The following MACROD2 variants were observed in gnomAD, a reference collection of about 807,000 sequenced individuals.
MACROD2 encodes ADP-ribose glycohydrolase MACROD2.
A neutral mutation model predicts 70.4 loss-of-function variants in MACROD2; 36 were observed. That is an observed-to-expected ratio of 0.51 (90% CI 0.39 to 0.68). The LOEUF is 0.68. Ranked by LOEUF, MACROD2 falls within the 30% of genes least tolerant of loss-of-function variation. The probability of loss-of-function intolerance (pLI) is 0.00; values close to 1 mark genes in which losing one functional copy is unlikely to be tolerated. For missense variants in MACROD2, 496 were observed against 538.4 expected (o/e 0.92, Z 0.78); for synonymous variants, 172 against 178.8 (o/e 0.96, Z 0.30).
At chr20:15,126,506 A>G (rs933635657) in intron 5 of MACROD2, among the ~76,000 whole-genome samples, 3 of 152,104 alleles carry the variant, frequency 2.0e-5, no homozygotes. Flanking sequence ...TTTTATCAAA[A>G]TTATTAAAAT....
chr20:14,298,294 G>T (rs565151177), intron 3 of MACROD2, among the ~76,000 whole-genome samples: 122 of 151,952 alleles, frequency 8.0e-4, no homozygotes, highest in South Asian at 6.6e-3. Context: ...CTGGCTGGGT[G>T]TGGTGGCTCA....
chr20:14,625,195 C>G (rs1038032599), intron 4 of MACROD2, among the ~76,000 whole-genome samples: 4 of 152,056 alleles, frequency 2.6e-5, no homozygotes, highest in African/African-American at 4.8e-5. Flanking sequence ...GGCATGGTGG[C>G]AGGCGCCTGT....
In MACROD2 at chr20:15,771,859, C is replaced by T. The variant is rs536321646; in HGVS notation, c.646-90886C>T. Among the ~76,000 whole-genome samples, 31 of 148,506 alleles carry T rather than the reference C, an allele frequency of 2.1e-4. No homozygotes were observed. In the South Asian group the frequency reaches 3.0e-3, roughly 14 times the overall value. ...CAGCACTTTGGGAGGCCGAGGTGGG[C>T]GGATCAAAAGGTCGGGAGATCAAGA... On this transcript the variant is annotated intron_variant, in intron 8 of 17. Coordinates refer to ENST00000684519, the MANE Select transcript of MACROD2 (RefSeq NM_001351661.2).
intron 10 of MACROD2, among the ~76,000 whole-genome samples, chr20:15,907,764 T>G (rs577309315): frequency 6.6e-6 from 1 of 152,264 alleles, no homozygotes; most frequent in African/African-American, 2.4e-5. Context: ...TGCCATCTGT[T>G]CCTGTGCATA....
chr20:15,934,287 A>G (rs2065624267), intron 11 of MACROD2, among the ~76,000 whole-genome samples: 1 of 152,210 alleles, frequency 6.6e-6, no homozygotes. Flanking sequence ...AACTTCTTAC[A>G]TTAACCTTGG....
At chr20:14,453,129 C>T (rs2122991295) in intron 3 of MACROD2, among the ~76,000 whole-genome samples, 1 of 152,224 alleles carries the variant, frequency 6.6e-6, no homozygotes, top group Non-Finnish European at 1.5e-5. Flanking sequence ...ATCAGGACTA[C>T]CTACATTCAT....
chr20:14,760,802 C>G (rs911298510), intron 5 of MACROD2, among the ~76,000 whole-genome samples: 1 of 152,082 alleles, frequency 6.6e-6, no homozygotes, highest in Non-Finnish European at 1.5e-5. Context: ...AAACTTAGGT[C>G]TCCACTTATT....
intron 6 of MACROD2, among the ~76,000 whole-genome samples, chr20:15,283,355 G>T (rs895470173): frequency 1.3e-5 from 2 of 152,128 alleles, no homozygotes; most frequent in Non-Finnish European, 2.9e-5. Flanking sequence ...GAAGAGAAAA[G>T]GCTCTAGCTG....
intron 5 of MACROD2, among the ~76,000 whole-genome samples, chr20:14,847,141 G>A (rs1329693148): frequency 6.6e-6 from 1 of 152,032 alleles, no homozygotes; most frequent in African/African-American, 2.4e-5. Flanking sequence ...TAAAAAAAGA[G>A]TAAAACTACT....
chr20:14,542,940 A>G (rs2085451232), intron 4 of MACROD2, among the ~76,000 whole-genome samples: 1 of 125,456 alleles, frequency 8.0e-6, no homozygotes, highest in Non-Finnish European at 1.7e-5. Context: ...AATTAATGAA[A>G]TGGTAAATTA....
chr20:15,347,610 T>C (rs1335796563), intron 6 of MACROD2, among the ~76,000 whole-genome samples: 1 of 152,230 alleles, frequency 6.6e-6, no homozygotes, highest in Non-Finnish European at 1.5e-5. Context: ...CATTCCTTCA[T>C]GTAGTGGCAT....
intron 2 of MACROD2, among the ~76,000 whole-genome samples, chr20:14,004,149 T>C (rs1248874984): frequency 6.6e-6 from 1 of 152,216 alleles, no homozygotes; most frequent in Non-Finnish European, 1.5e-5. Context: ...AGCATTATGT[T>C]GGTGCTCAAA....
At chr20:15,005,279 A>C (rs1377984246) in intron 5 of MACROD2, among the ~76,000 whole-genome samples, 1 of 152,176 alleles carries the variant, frequency 6.6e-6, no homozygotes, top group Non-Finnish European at 1.5e-5. Flanking sequence ...TACAACTTTT[A>C]ACACATTTTT....
chr20:15,411,317 T>C (rs1228922552), intron 6 of MACROD2, among the ~76,000 whole-genome samples: 1 of 152,236 alleles, frequency 6.6e-6, no homozygotes, highest in East Asian at 1.9e-4. Flanking sequence ...AATTTTATTA[T>C]TCTTCACATA....
chr20:14,255,743 A>G (rs908878550), intron 3 of MACROD2, among the ~76,000 whole-genome samples: 21 of 151,770 alleles, frequency 1.4e-4, no homozygotes, highest in Non-Finnish European at 7.4e-5. Context: ...ATGTCATTCC[A>G]TTGTCTTCTG....
At chr20:14,267,462 A>T (rs2082153251) in intron 3 of MACROD2, among the ~76,000 whole-genome samples, 1 of 152,156 alleles carries the variant, frequency 6.6e-6, no homozygotes, top group African/African-American at 2.4e-5. Flanking sequence ...GGTCAGTTAA[A>T]GCAAATGCAA....
chr20:14,694,038 T>G (rs2123617223), intron 5 of MACROD2, among the ~76,000 whole-genome samples: 1 of 152,282 alleles, frequency 6.6e-6, no homozygotes, highest in Admixed American at 6.5e-5. Flanking sequence ...CCCCTTGTCC[T>G]CTAAGAGCTT....
chr20:14,355,241 CA>C (rs1223557385), intron 3 of MACROD2, among the ~76,000 whole-genome samples: 1 of 152,246 alleles, frequency 6.6e-6, no homozygotes, highest in African/African-American at 2.4e-5. Flanking sequence ...AGGTCATTAA[CA>C]AAATTAACAT....
chr20:14,199,413 C>A (rs928347043), intron 3 of MACROD2, among the ~76,000 whole-genome samples: 1 of 152,208 alleles, frequency 6.6e-6, no homozygotes. Flanking sequence ...GCATAGTTAA[C>A]AATCAGTAGC....
Sources: allele counts gnomAD v4.1 joint callset (sites outside exome capture counted in the v4.1 genomes callset), GRCh38; gene constraint gnomAD v4.1.1; transcripts MANE v1.5; gene names NCBI Gene and HGNC (gene_info 2026-07-23, HGNC 2026-07-21).